Variants in NRXN1 observed in about 807,000 individuals in gnomAD.
The protein encoded by NRXN1 is neurexin 1.
Under a neutral mutation model 150.9 loss-of-function variants are expected in NRXN1, and 39 were observed. The observed-to-expected ratio is 0.26, with a 90% CI of 0.20 to 0.34. The LOEUF is 0.34. NRXN1 is among the 10% of genes least tolerant of loss of function. NRXN1 has a pLI of 1.00. For synonymous variants in NRXN1, 924 were observed against 757.0 expected, an observed-to-expected ratio of 1.22 and a Z score of -3.62; for missense variants, 1,815 against 1,949.9, an observed-to-expected ratio of 0.93 and a Z score of 1.30.
chr2:50,535,150 C>T (rs1314722463), intron 10 of NRXN1, among the ~76,000 whole-genome samples: 1 of 152,104 alleles, frequency 6.6e-6, no homozygotes, highest in Non-Finnish European at 1.5e-5. Flanking sequence ...TCTAGAGTTG[C>T]CAAATAAATG....
At chr2:50,228,368 C>T (rs1317247403) in intron 18 of NRXN1, among the ~76,000 whole-genome samples, 5 of 151,774 alleles carry the variant, frequency 3.3e-5, no homozygotes, top group African/African-American at 4.8e-5. Context: ...GGTAGCAATT[C>T]GGTGACAAAC....
chr2:50,422,739 C>T (rs537649312), intron 17 of NRXN1, among the ~76,000 whole-genome samples: 78 of 152,220 alleles, frequency 5.1e-4, no homozygotes, highest in African/African-American at 1.8e-3. Flanking sequence ...TCTGCTTAAC[C>T]GTAGCAACCA....
intron 8 of NRXN1, among the ~76,000 whole-genome samples, chr2:50,612,194 A>G (rs1025094915): frequency 6.6e-6 from 1 of 152,048 alleles, no homozygotes; most frequent in Non-Finnish European, 1.5e-5. Flanking sequence ...TCCTATCTCC[A>G]TGTCTTCATT....
intron 19 of NRXN1, among the ~76,000 whole-genome samples, chr2:50,064,185 C>T (rs2152652247): frequency 6.6e-6 from 1 of 151,700 alleles, no homozygotes; most frequent in South Asian, 2.1e-4. Context: ...AGACACTAAA[C>T]TAAATAGAGA....
chr2:50,579,514 T>C (rs1423239298), intron 8 of NRXN1, among the ~76,000 whole-genome samples: 1 of 152,172 alleles, frequency 6.6e-6, no homozygotes, highest in Non-Finnish European at 1.5e-5. Flanking sequence ...TCAGGTGTGG[T>C]GGCATGTGCC....
intron 17 of NRXN1, among the ~76,000 whole-genome samples, chr2:50,373,679 A>AAAGAAGGAAGG (rs1553513456): frequency 1.1e-4 from 7 of 65,636 alleles, no homozygotes; most frequent in African/African-American, 4.2e-4. Context: ...AGAAAGAAAG[A>AAAGAAGGAAGG]AAAGAAAGAA....
chr2:50,468,526 T>C (rs1315057221), intron 16 of NRXN1, among the ~76,000 whole-genome samples: 2 of 151,596 alleles, frequency 1.3e-5, no homozygotes, highest in African/African-American at 4.8e-5. Flanking sequence ...TATCTTTATT[T>C]TATCACTGAA....
Position 50,521,608 on chromosome 2 carries a change from T to C in NRXN1, c.2374+7017A>G, listed in dbSNP as rs117385885. Among the ~76,000 whole-genome samples the C allele has an allele frequency of 2.0e-5, 3 of 152,324 alleles. No homozygotes were observed. In the East Asian group the frequency reaches 5.8e-4, roughly 29 times the overall value. On this transcript the variant is annotated intron_variant, in intron 12 of 22. Coordinates refer to ENST00000401669, the MANE Select transcript of NRXN1 (RefSeq NM_001330078.2). ...TCTCCAAATTCTTTGACCGTCCCCA[T>C]GATTTAAAGAGCCTTGCCCACTTGA...
chr2:50,861,925 G>T (rs557121530), intron 5 of NRXN1, among the ~76,000 whole-genome samples: 3 of 152,058 alleles, frequency 2.0e-5, no homozygotes, highest in East Asian at 3.9e-4. Flanking sequence ...CTCAGGGCTG[G>T]GTGCAGTGGC....
In NRXN1 at chr2:50,531,269, G is replaced by C; in HGVS notation, c.2305C>G (p.Leu769Val). 4.3e-6 allele frequency: 7 copies of C among 1,613,608 alleles called. No individual in the cohort carries two copies. Among genetic ancestry groups the C allele is most frequent in the Non-Finnish European group, 5.9e-6 (7 of 1,179,700 alleles). Residue 769 changes from leucine to valine, a missense_variant, in exon 11 of 23, where the codon CTG becomes GTG. Around this residue, in one of 6 missense-constraint regions of NRXN1, gnomAD observed 638 missense variants for 652.6 expected, o/e 0.98. Transcript: ENST00000401669. ...TTCACACGTCCTGCGTCTAGCTCCA[G>C]GCGGAGGGTGTCAGCAGAGTCTCTA... ...TSRDSADTLRLELDAGRVKLT... is the reference protein window; with the variant it reads ...TSRDSADTLRVELDAGRVKLT...
chr2:50,595,920 G>C (rs956993027), intron 8 of NRXN1, among the ~76,000 whole-genome samples: 2 of 152,172 alleles, frequency 1.3e-5, no homozygotes, highest in Non-Finnish European at 2.9e-5. Flanking sequence ...GTGTTATAGA[G>C]GCTCTTATCT....
chr2:50,641,855 C>T (rs1422692833), intron 5 of NRXN1, among the ~76,000 whole-genome samples: 2 of 152,060 alleles, frequency 1.3e-5, no homozygotes, highest in Non-Finnish European at 2.9e-5. Context: ...CAGGTGTTTC[C>T]TGTAGAGAAC....
intron 17 of NRXN1, among the ~76,000 whole-genome samples, chr2:50,244,782 T>C (rs1220239827): frequency 6.6e-6 from 1 of 151,832 alleles, no homozygotes; most frequent in Non-Finnish European, 1.5e-5. Flanking sequence ...CATAAAGAAA[T>C]GACAAATGTA....
intron 21 of NRXN1, among the ~76,000 whole-genome samples, chr2:50,004,849 CTT>C (rs953482897): frequency 2.0e-4 from 30 of 152,214 alleles, no homozygotes; most frequent in African/African-American, 7.0e-4. Flanking sequence ...GTTAAAATAA[CTT>C]AGACTTTTTC....
chr2:50,798,207 T>C (rs372578018), intron 5 of NRXN1, among the ~76,000 whole-genome samples: 90 of 152,222 alleles, frequency 5.9e-4, no homozygotes, highest in African/African-American at 2.0e-3. Context: ...AGTAAAAGCA[T>C]TGGTTAATAT....
chr2:50,845,392 C>T (rs1204551898), intron 5 of NRXN1, among the ~76,000 whole-genome samples: 3 of 152,104 alleles, frequency 2.0e-5, no homozygotes, highest in Non-Finnish European at 2.9e-5. Flanking sequence ...TAGATGTTAT[C>T]GTCTCAATTT....
At chr2:50,406,007 A>T (rs1376941090) in intron 17 of NRXN1, among the ~76,000 whole-genome samples, 2 of 152,150 alleles carry the variant, frequency 1.3e-5, no homozygotes, top group Non-Finnish European at 2.9e-5. Context: ...TTTGTCCAAG[A>T]TCATGCAGCT....
chr2:50,026,863 T>TC, intron 21 of NRXN1, among the ~76,000 whole-genome samples: 1 of 25,822 alleles, frequency 3.9e-5, no homozygotes, highest in African/African-American at 1.3e-4. Flanking sequence ...TCTTTTCTTT[T>TC]TTTTTTTTTT....
At chr2:50,921,721 T>C in intron 5 of NRXN1, 148 bp downstream of exon 5, 1 of 391,690 alleles carries the variant, frequency 2.6e-6, no homozygotes, top group Admixed American at 4.6e-5. Flanking sequence ...GGATTTTTCT[T>C]ATCTTAAATT....
Sources: allele counts gnomAD v4.1 joint callset (sites outside exome capture counted in the v4.1 genomes callset), GRCh38; gene constraint gnomAD v4.1.1; regional missense constraint gnomAD v4.1.1; transcripts MANE v1.5; gene names NCBI Gene and HGNC (gene_info 2026-07-23, HGNC 2026-07-21).